WDR41: variants seen among roughly 807,000 people sequenced by gnomAD.
WDR41 encodes WD repeat domain 41, also known as WD repeat-containing protein 41.
WDR41 carries 63 observed loss-of-function variants against 69.3 expected under a neutral mutation model. The ratio of observed to expected loss-of-function variants is 0.91; its 90% CI spans 0.74 to 1.12. WDR41 has a LOEUF of 1.12. Ranked by LOEUF, WDR41 falls within the 50% of genes most tolerant of loss-of-function variation. WDR41 has a pLI of 0.00. For synonymous variants in WDR41, 185 were observed against 192.1 expected (o/e 0.96, Z 0.31); for missense variants, 543 against 534.5 (o/e 1.02, Z -0.16).
chr5:77,468,353 A>C (rs1259189401), intron 2 of WDR41, among the ~76,000 whole-genome samples: 1 of 152,180 alleles, frequency 6.6e-6, no homozygotes, highest in Non-Finnish European at 1.5e-5. Flanking sequence ...TAGGGTCTAG[A>C]TCATGAGTCC....
chr5:77,613,425 T>G (rs1441003767), intron 1 of WDR41, among the ~76,000 whole-genome samples: 4 of 151,868 alleles, frequency 2.6e-5, no homozygotes, highest in Admixed American at 2.6e-4. Context: ...CAAAACAGCA[T>G]GGTACTGGTA....
intron 1 of WDR41, among the ~76,000 whole-genome samples, chr5:77,490,899 G>A (rs1210113583): frequency 6.6e-6 from 1 of 152,106 alleles, no homozygotes; most frequent in Admixed American, 6.5e-5. Context: ...AAAGACATGC[G>A]GAAGTTAAAA....
chr5:77,574,201 GGGA>G (rs1263040593), intron 1 of WDR41, among the ~76,000 whole-genome samples: 6 of 152,146 alleles, frequency 3.9e-5, no homozygotes, highest in African/African-American at 1.4e-4. Flanking sequence ...AGGAGGCTGA[GGGA>G]GGAGAATTGC....
At chr5:77,538,669 A>T (rs537237040) in intron 1 of WDR41, among the ~76,000 whole-genome samples, 21 of 152,322 alleles carry the variant, frequency 1.4e-4, no homozygotes, top group African/African-American at 5.0e-4. Flanking sequence ...GATTCCAAAA[A>T]GACAGGATTT....
chr5:77,561,359 C>T (rs905706545), intron 1 of WDR41, among the ~76,000 whole-genome samples: 10 of 152,098 alleles, frequency 6.6e-5, no homozygotes, highest in Non-Finnish European at 1.5e-5. Context: ...CTTGGCTATC[C>T]AACACTTCTT....
chr5:77,577,674 G>C (rs1378410004), intron 1 of WDR41, among the ~76,000 whole-genome samples: 1 of 152,102 alleles, frequency 6.6e-6, no homozygotes, highest in Non-Finnish European at 1.5e-5. Context: ...ACATATACAA[G>C]AATATATATT....
At chr5:77,463,253 G>A in intron 3 of WDR41, 27 bp from the exon 4 acceptor site, 3 of 1,584,988 alleles carry the variant, frequency 1.9e-6, no homozygotes, top group South Asian at 1.2e-5. Flanking sequence ...AATGTTAATA[G>A]GCTTAGCTTT....
chr5:77,505,411 A>G (rs920906062), intron 1 of WDR41, among the ~76,000 whole-genome samples: 1 of 152,220 alleles, frequency 6.6e-6, no homozygotes, highest in Non-Finnish European at 1.5e-5. Context: ...TTCCATGCTC[A>G]TGGGTAGGAA....
At chr5:77,469,332 G>A (rs1800453635) in intron 2 of WDR41, among the ~76,000 whole-genome samples, 1 of 152,160 alleles carries the variant, frequency 6.6e-6, no homozygotes, top group African/African-American at 2.4e-5. Context: ...CACGGCACAT[G>A]TATACATATG....
chr5:77,477,888 TG>T (rs1801022623), intron 2 of WDR41, among the ~76,000 whole-genome samples: 1 of 143,002 alleles, frequency 7.0e-6, no homozygotes, highest in African/African-American at 2.7e-5. Flanking sequence ...ATCCAGGAGC[TG>T]GTTTTTTGAA....
At chr5:77,490,453 G>A (rs1029357066) in intron 1 of WDR41, among the ~76,000 whole-genome samples, 1 of 152,136 alleles carries the variant, frequency 6.6e-6, no homozygotes, top group Non-Finnish European at 1.5e-5. Flanking sequence ...CTGCTTAAAC[G>A]AGAAGCCTGG....
At position 77,489,559 on chromosome 5, in the gene WDR41, T is replaced by C. The variant is rs1801674229; in HGVS notation, c.65A>G (p.Gln22Arg). 10 of 1,573,638 alleles carry C rather than the reference T, an allele frequency of 6.4e-6. 1 individual carries two copies. The East Asian group carries it at 2.3e-4, about 35-fold the overall frequency. The stretch of plus-strand genomic sequence containing the variant: ...CTGGGTTTGTTCTTCACCTATTGTC[T>C]GTAAAGGAGATTTCTTGTATTGAAA... ...PQGLAEKSPL[Q>R]TIGEEQTQNP... The change falls in exon 2 of 13, where the codon CAG becomes CGG. Residue 22 changes from glutamine (Q) to arginine (R), a missense_variant. Gln to Arg is a conservative substitution (Grantham distance 43, BLOSUM62 1). Transcript: ENST00000296679.
intron 2 of WDR41, among the ~76,000 whole-genome samples, chr5:77,465,876 T>G (rs559130165): frequency 9.2e-5 from 14 of 151,978 alleles, no homozygotes; most frequent in Non-Finnish European, 1.5e-4. Context: ...TCCCACTATT[T>G]CAGTCATGAA....
chr5:77,588,574 A>G (rs1292149369), intron 1 of WDR41, among the ~76,000 whole-genome samples: 1 of 152,218 alleles, frequency 6.6e-6, no homozygotes, highest in Non-Finnish European at 1.5e-5. Flanking sequence ...TTAATCAATT[A>G]TCAATCTATT....
At chr5:77,596,421 C>T (rs538143639) in intron 1 of WDR41, among the ~76,000 whole-genome samples, 27 of 152,242 alleles carry the variant, frequency 1.8e-4, no homozygotes, top group African/African-American at 3.6e-4. Context: ...TGAGCCTCCA[C>T]GCCTGGCTGA....
At chr5:77,529,460 C>T (rs1802495183) in intron 1 of WDR41, among the ~76,000 whole-genome samples, 2 of 151,368 alleles carry the variant, frequency 1.3e-5, no homozygotes, top group African/African-American at 2.4e-5. Context: ...CAAACTGATA[C>T]AGAGAAACAA....
chr5:77,492,096 G>A lies in WDR41; in HGVS notation c.51+74C>T, dbSNP rs1484814535. ...CCCGGGTCCCCGCGGTCGGAACCCA[G>A]GAAGGCCGAACCGGAACGAAGCCGC... On this transcript the variant is annotated intron_variant, in intron 1 of 12. Coordinates refer to ENST00000296679, the MANE Select transcript of WDR41 (RefSeq NM_018268.4). 7 of 1,568,694 alleles carry A rather than the reference G, an allele frequency of 4.5e-6. No homozygotes were observed. The Admixed American group carries it at 7.0e-5, about 16-fold the overall frequency.
At chr5:77,467,170 A>G (rs1489365501) in intron 2 of WDR41, among the ~76,000 whole-genome samples, 1 of 151,962 alleles carries the variant, frequency 6.6e-6, no homozygotes, top group Non-Finnish European at 1.5e-5. Flanking sequence ...AAATGTCAAT[A>G]AAGTTTAAGC....
At chr5:77,435,092 T>C (rs1798888401) in intron 12 of WDR41, among the ~76,000 whole-genome samples, 1 of 152,122 alleles carries the variant, frequency 6.6e-6, no homozygotes, top group Non-Finnish European at 1.5e-5. Flanking sequence ...ACCACGTAAA[T>C]GCTATCTTTG....
Sources: allele counts gnomAD v4.1 joint callset (sites outside exome capture counted in the v4.1 genomes callset), GRCh38; gene constraint gnomAD v4.1.1; transcripts MANE v1.5; gene names NCBI Gene and HGNC (gene_info 2026-07-23, HGNC 2026-07-21).